The following SGCZ variants were observed in gnomAD, a reference collection of about 807,000 sequenced individuals.
SGCZ encodes sarcoglycan zeta.
Under a neutral mutation model 41.3 loss-of-function variants are expected in SGCZ, and 40 were observed. The observed-to-expected ratio is 0.97, with a 90% confidence interval of 0.75 to 1.26. The LOEUF is 1.26. SGCZ is among the 50% of genes most tolerant of loss of function. The pLI is 0.00. For missense variants in SGCZ, 552 were observed against 369.8 expected, an observed-to-expected ratio of 1.49 and a Z score of -4.04; for synonymous variants, 206 against 137.5, an observed-to-expected ratio of 1.50 and a Z score of -3.49.
At chr8:14,534,025 A>G (rs890492677) in intron 2 of SGCZ, among the ~76,000 whole-genome samples, 2 of 150,174 alleles carry the variant, frequency 1.3e-5, no homozygotes, top group Non-Finnish European at 2.9e-5. Flanking sequence ...AACAAAGGGC[A>G]AAAACTCTAC....
At chr8:14,381,019 C>A (rs911166725) in intron 2 of SGCZ, among the ~76,000 whole-genome samples, 1 of 152,186 alleles carries the variant, frequency 6.6e-6, no homozygotes, top group Non-Finnish European at 1.5e-5. Context: ...ACAGTTATTT[C>A]CACCCTTAAC....
chr8:14,949,886 G>A (rs1165492236), intron 1 of SGCZ, among the ~76,000 whole-genome samples: 1 of 152,036 alleles, frequency 6.6e-6, no homozygotes, highest in African/African-American at 2.4e-5. Flanking sequence ...AAAGAGTTTG[G>A]CAAAAGATCG....
intron 1 of SGCZ, among the ~76,000 whole-genome samples, chr8:15,194,848 A>G (rs1414032818): frequency 6.6e-6 from 1 of 152,170 alleles, no homozygotes; most frequent in Non-Finnish European, 1.5e-5. Flanking sequence ...TGACCTCCCA[A>G]CCTATAAGGT....
rs1808540207 is a variant in SGCZ, at chr8:14,684,366, T to C, written c.40-129440A>G. Among the ~76,000 whole-genome samples, 2 of 152,296 alleles carry C rather than the reference T, an allele frequency of 1.3e-5. 1 individual carries two copies. Among genetic ancestry groups the C allele is most frequent in the Middle Eastern group, 6.8e-3 (2 of 294 alleles). Reference sequence around the variant, plus strand: ...TGTATTGAAAAGTCATGGCAACGTATTTATGTACAGACACATTTTGGTTCG... The same window carrying C: ...TGTATTGAAAAGTCATGGCAACGTACTTATGTACAGACACATTTTGGTTCG... On this transcript the variant is annotated intron_variant, in intron 1 of 7. Transcript: ENST00000382080.
chr8:14,987,175 T>C (rs1485916277), intron 1 of SGCZ, among the ~76,000 whole-genome samples: 1 of 151,868 alleles, frequency 6.6e-6, no homozygotes, highest in Non-Finnish European at 1.5e-5. Flanking sequence ...TGAAGTTATC[T>C]TTTTGCATAT....
chr8:14,452,685 G>A (rs1800629102), intron 2 of SGCZ, among the ~76,000 whole-genome samples: 1 of 152,146 alleles, frequency 6.6e-6, no homozygotes, highest in Non-Finnish European at 1.5e-5. Flanking sequence ...GTTTTATGTG[G>A]AGGCCGGGAG....
intron 1 of SGCZ, among the ~76,000 whole-genome samples, chr8:14,767,985 G>T (rs1236167348): frequency 6.6e-6 from 1 of 152,166 alleles, no homozygotes; most frequent in Non-Finnish European, 1.5e-5. Context: ...TGGGATCCCA[G>T]TCCTCCATGT....
intron 5 of SGCZ, among the ~76,000 whole-genome samples, chr8:14,116,382 C>A (rs59826294): frequency 6.6e-6 from 1 of 152,010 alleles, no homozygotes; most frequent in South Asian, 2.1e-4. Context: ...TTTAAAACAT[C>A]AAAGTTTTAC....
chr8:14,515,370 A>G (rs1802590291), intron 2 of SGCZ, among the ~76,000 whole-genome samples: 1 of 152,140 alleles, frequency 6.6e-6, no homozygotes, highest in Non-Finnish European at 1.5e-5. Flanking sequence ...TAGCATTTTT[A>G]GAAAGTTTCA....
chr8:15,219,094 C>T (rs1801507651), intron 1 of SGCZ, among the ~76,000 whole-genome samples: 1 of 152,176 alleles, frequency 6.6e-6, no homozygotes, highest in South Asian at 2.1e-4. Flanking sequence ...CTACTCAAAT[C>T]AAATTATATT....
intron 3 of SGCZ, among the ~76,000 whole-genome samples, chr8:14,302,703 C>T (rs1801237411): frequency 6.6e-6 from 1 of 152,140 alleles, no homozygotes; most frequent in African/African-American, 2.4e-5. Context: ...GGGATTCAAG[C>T]TTCACCTGTC....
At chr8:14,930,839 G>A (rs1462762313) in intron 1 of SGCZ, among the ~76,000 whole-genome samples, 1 of 151,972 alleles carries the variant, frequency 6.6e-6, no homozygotes, top group Non-Finnish European at 1.5e-5. Flanking sequence ...GAGGGGTGAG[G>A]GGCTAGGGGA....
At chr8:14,563,746 G>A (rs1261242798) in intron 1 of SGCZ, among the ~76,000 whole-genome samples, 3 of 152,152 alleles carry the variant, frequency 2.0e-5, no homozygotes, top group Non-Finnish European at 4.4e-5. Flanking sequence ...ACAAAAGCTT[G>A]AGGAAGTAAT....
intron 1 of SGCZ, among the ~76,000 whole-genome samples, chr8:14,834,765 G>C (rs924710662): frequency 3.3e-5 from 5 of 152,180 alleles, no homozygotes; most frequent in African/African-American, 1.2e-4. Context: ...TGGAGAGCAT[G>C]TCTTCCTTGA....
intron 2 of SGCZ, among the ~76,000 whole-genome samples, chr8:14,453,137 A>G (rs1379269374): frequency 1.3e-5 from 2 of 152,100 alleles, no homozygotes; most frequent in Admixed American, 6.6e-5. Context: ...GATTCTCAGT[A>G]AATATGTTAT....
chr8:14,275,584 G>C (rs181928693), intron 3 of SGCZ, among the ~76,000 whole-genome samples: 1 of 152,064 alleles, frequency 6.6e-6, no homozygotes, highest in African/African-American at 2.4e-5. Context: ...AACATAAAAG[G>C]AAAGGGAGTA....
chr8:14,236,892 G>C (rs1160460039), intron 4 of SGCZ, among the ~76,000 whole-genome samples: 1 of 151,454 alleles, frequency 6.6e-6, no homozygotes, highest in Admixed American at 6.6e-5. Context: ...ATATTTATTT[G>C]CTATGAGAAA....
rs951593557 is a variant in SGCZ, at chr8:14,085,472, A to G, written c.*4971T>C. On this transcript the variant is annotated 3_prime_UTR_variant, in exon 8 of 8. Coordinates refer to ENST00000382080, the MANE Select transcript of SGCZ (RefSeq NM_139167.4). ...AAATGAGATACTAAGACTGAAAAAA[A>G]CAAAAAATAACTACAGTTCATTATA... is the stretch of plus-strand genomic sequence containing the variant. Among the ~76,000 whole-genome samples, 5 of 151,812 alleles carry G rather than the reference A, an allele frequency of 3.3e-5. No homozygotes were observed. Among genetic ancestry groups the G allele is most frequent in the Non-Finnish European group, 7.4e-5 (5 of 67,792 alleles).
At chr8:14,120,116 A>C (rs913960476) in intron 5 of SGCZ, among the ~76,000 whole-genome samples, 2 of 152,144 alleles carry the variant, frequency 1.3e-5, no homozygotes, top group African/African-American at 4.8e-5. Context: ...ATAGATACCA[A>C]ATTTCTAAAA....
Sources: allele counts gnomAD v4.1 joint callset (sites outside exome capture counted in the v4.1 genomes callset), GRCh38; gene constraint gnomAD v4.1.1; transcripts MANE v1.5; gene names NCBI Gene and HGNC (gene_info 2026-07-23, HGNC 2026-07-21).